FKBP9: variants seen among roughly 807,000 people sequenced by gnomAD.
FKBP9 encodes the protein FKBP prolyl isomerase 9.
A neutral mutation model predicts 55.6 loss-of-function variants in FKBP9; 27 were observed. The observed-to-expected ratio is 0.49, with a 90% CI of 0.36 to 0.67. The LOEUF (loss-of-function observed/expected upper bound fraction) is 0.67, where lower values mean the gene tolerates loss of function less well. FKBP9 is among the 30% of genes least tolerant of loss of function. The pLI is 0.00. For missense variants in FKBP9, 539 were observed against 742.8 expected (o/e 0.73, Z 3.19); for synonymous variants, 267 against 296.5 (o/e 0.90, Z 1.02).
intron 1 of FKBP9, among the ~76,000 whole-genome samples, chr7:32,971,824 TC>T (rs1348774073): frequency 6.6e-6 from 1 of 152,092 alleles, no homozygotes; most frequent in Non-Finnish European, 1.5e-5. Context: ...TTTTGTAATC[TC>T]CAAAGAGCCT....
At chr7:32,986,831 C>T (rs1784589191) in intron 5 of FKBP9, among the ~76,000 whole-genome samples, 1 of 152,202 alleles carries the variant, frequency 6.6e-6, no homozygotes, top group Non-Finnish European at 1.5e-5. Context: ...CCGACTGGCT[C>T]TTTCAGGACA....
chr7:33,003,538 T>C (rs903598500), intron 9 of FKBP9, among the ~76,000 whole-genome samples: 18 of 152,114 alleles, frequency 1.2e-4, no homozygotes, highest in African/African-American at 4.3e-4. Context: ...TCCCATTCTC[T>C]CCTAAACCCA....
intron 5 of FKBP9, among the ~76,000 whole-genome samples, chr7:32,987,842 A>C (rs965435242): frequency 6.6e-6 from 1 of 152,158 alleles, no homozygotes; most frequent in Non-Finnish European, 1.5e-5. Flanking sequence ...CATGTTGCCC[A>C]GGCTGGTTGA....
chr7:32,984,140 A>T (rs867667678), intron 5 of FKBP9, among the ~76,000 whole-genome samples: 3 of 152,172 alleles, frequency 2.0e-5, no homozygotes, highest in Middle Eastern at 3.4e-3. Flanking sequence ...CCTAGAGTAT[A>T]TAAATGTTTG....
intron 6 of FKBP9, among the ~76,000 whole-genome samples, chr7:32,992,471 G>C (rs929868783): frequency 2.6e-5 from 4 of 152,230 alleles, no homozygotes; most frequent in Admixed American, 2.0e-4. Flanking sequence ...CTCTTCTGAG[G>C]GAGGCATCCT....
At position 32,974,198 on chromosome 7, in the gene FKBP9, G is replaced by GT. The variant is rs1562565771; in HGVS notation, c.222-419_222-418insT. Among the ~76,000 whole-genome samples, 30 of 99,582 alleles carry GT rather than the reference G, an allele frequency of 3.0e-4. 1 individual carries two copies. Among genetic ancestry groups the GT allele is most frequent in the Admixed American group, 2.7e-3 (22 of 8,230 alleles). 65.3% of individuals were successfully genotyped at this position (99,582 alleles called of 152,430 possible). A position where few individuals can be genotyped will look rare whatever the true frequency, so the allele number is the denominator to read the frequency against. On this transcript the variant is annotated intron_variant, in intron 1 of 9. Coordinates refer to ENST00000242209, the MANE Select transcript of FKBP9 (RefSeq NM_007270.5). The stretch of plus-strand genomic sequence containing the variant: ...ATATGTATTTATTTATTTAGTAGAG[G>GT]CGGGGGGGCCTCACTTTGTTGCCCC...
chr7:33,000,343 T>C, intron 8 of FKBP9, 83 bp downstream of exon 8: 2 of 1,379,426 alleles, frequency 1.4e-6, no homozygotes, highest in East Asian at 2.4e-5. Context: ...ATAGTTAGAA[T>C]CACAGCATGC....
At chr7:32,993,180 G>T (rs1562573241) in intron 6 of FKBP9, 1 of 232,422 alleles carries the variant, frequency 4.3e-6, no homozygotes, top group East Asian at 6.1e-5. Context: ...TGACTGCTTA[G>T]CTCAGTGTTA....
chr7:32,974,454 G>T (rs1784320570), intron 1 of FKBP9, 163 bp from the exon 2 acceptor site: 1 of 532,740 alleles, frequency 1.9e-6, no homozygotes, highest in Non-Finnish European at 3.4e-6. Context: ...AACCCTACAA[G>T]TACTGTCCAG....
chr7:32,994,508 C>T (rs1164661179), intron 6 of FKBP9, among the ~76,000 whole-genome samples: 3 of 151,978 alleles, frequency 2.0e-5, no homozygotes, highest in Admixed American at 6.6e-5. Context: ...CCATCCGTGG[C>T]CTGGCTTTGA....
At chr7:32,973,580 A>AGTGTGTGTGTGTGTGT (rs10566069) in intron 1 of FKBP9, among the ~76,000 whole-genome samples, 154 of 144,024 alleles carry the variant, frequency 1.1e-3, no homozygotes, top group South Asian at 7.6e-3. Flanking sequence ...AAAAAAATCA[A>AGTGTGTGTGTGTGTGT]GTGTGTGTGT....
At chr7:32,970,812 G>A (rs1784237102) in intron 1 of FKBP9, among the ~76,000 whole-genome samples, 1 of 151,956 alleles carries the variant, frequency 6.6e-6, no homozygotes, top group Admixed American at 6.6e-5. Flanking sequence ...TATATATAAA[G>A]TTATTTTGTC....
At position 32,975,311 on chromosome 7, in the gene FKBP9, C is replaced by G; in HGVS notation, c.497C>G (p.Ser166Cys). The G allele has an allele frequency of 6.2e-7, 1 of 1,613,978 alleles. No individual in the cohort carries two copies. Among genetic ancestry groups the G allele is most frequent in the East Asian group, 2.2e-5 (1 of 44,884 alleles). ...PPSCPRTIQV[S>C]DFVRYHYNGT... Reference sequence around the variant, plus strand: ...AGTTGCCCTCGGACCATCCAGGTGTCTGATTTTGTGAGGTACCACTACAAC... The same window carrying G: ...AGTTGCCCTCGGACCATCCAGGTGTGTGATTTTGTGAGGTACCACTACAAC... Residue 166 changes from serine to cysteine, a missense_variant, in exon 3 of 10, where the codon TCT becomes TGT. This residue lies in a region of FKBP9 where 236 missense variants were observed against 271.5 expected (regional missense o/e 0.87). Transcript: ENST00000242209.
intron 1 of FKBP9, among the ~76,000 whole-genome samples, chr7:32,962,073 C>T (rs2127975700): frequency 6.6e-6 from 1 of 152,162 alleles, no homozygotes; most frequent in Admixed American, 6.5e-5. Context: ...TCCTTGGGGC[C>T]AAAAAGGTTG....
At position 32,975,455 on chromosome 7, in the gene FKBP9, TG is replaced by T. The variant is rs573242404; in HGVS notation, c.557+88del. The T allele has an allele frequency of 4.0e-5, 43 of 1,088,378 alleles. No individual in the cohort carries two copies. The African/African-American group carries it at 6.7e-4, about 17-fold the overall frequency. The allele number at this position is 1,088,378 out of a possible 1,614,324, so 67.4% of individuals were successfully genotyped here. A position where few individuals can be genotyped will look rare whatever the true frequency, so the allele number is the denominator to read the frequency against. On this transcript the variant is annotated intron_variant, in intron 3 of 9. Coordinates refer to ENST00000242209, the MANE Select transcript of FKBP9 (RefSeq NM_007270.5). ...CTGTCTTACTTGCTTTTTATGCTGA[TG>T]GGGATACCAGAATAAGGACTCTTCT...
intron 1 of FKBP9, among the ~76,000 whole-genome samples, chr7:32,974,053 G>A (rs1193264205): frequency 5.9e-5 from 9 of 151,372 alleles, no homozygotes; most frequent in Non-Finnish European, 1.5e-5. Flanking sequence ...GCCCAGGCTG[G>A]AGTGCAGTGG....
chr7:32,975,205 G>T lies in FKBP9; in HGVS notation c.391G>T (p.Val131Leu). The T allele has an allele frequency of 6.2e-7, 1 of 1,613,748 alleles. No individual in the cohort carries two copies. Among genetic ancestry groups the T allele is most frequent in the Non-Finnish European group, 8.5e-7 (1 of 1,179,666 alleles). Residue 131 changes from valine to leucine, a missense_variant, in exon 3 of 10, where the codon GTG (valine) becomes TTG (leucine). Physicochemically the swap from Val to Leu is conservative, Grantham distance 32. Coordinates refer to ENST00000242209, the MANE Select transcript of FKBP9 (RefSeq NM_007270.5). ...AGCTGGTGTGATCCCCCCCAATTCAGTGCTTCATTTTGATGTACTTCTGAT... is the reference window on the plus strand; with the variant it reads ...AGCTGGTGTGATCCCCCCCAATTCATTGCTTCATTTTGATGTACTTCTGAT... Reference protein sequence around the residue: ...GVSGVIPPNSVLHFDVLLMDI... With the variant: ...GVSGVIPPNSLLHFDVLLMDI...
At chr7:32,987,962 T>C (rs1304473033) in intron 5 of FKBP9, among the ~76,000 whole-genome samples, 1 of 152,126 alleles carries the variant, frequency 6.6e-6, no homozygotes, top group Non-Finnish European at 1.5e-5. Context: ...GGAGGATCAC[T>C]TGATCCAGGA....
At chr7:32,965,868 CAT>C (rs1784136100) in intron 1 of FKBP9, among the ~76,000 whole-genome samples, 1 of 20,746 alleles carries the variant, frequency 4.8e-5, no homozygotes, top group African/African-American at 2.2e-4. Flanking sequence ...TATATATATA[CAT>C]ACATATATAT....
Sources: gnomAD v4.1 joint callset for allele counts (sites outside exome capture counted in the v4.1 genomes callset) on GRCh38, gnomAD v4.1.1 for gene constraint, gnomAD v4.1.1 regional missense constraint, MANE v1.5 for transcripts, NCBI Gene and HGNC (gene_info 2026-07-23, HGNC 2026-07-21) for gene names.